Variants in CSAD observed in about 807,000 individuals in gnomAD.
The protein encoded by CSAD is cysteine sulfinic acid decarboxylase, also known as P-selectin cytoplasmic tail-associated protein.
In CSAD, 47 loss-of-function variants were observed where a neutral mutation model predicts 61.5. The ratio of observed to expected loss-of-function variants is 0.76; its 90% CI spans 0.60 to 0.97. The LOEUF (loss-of-function observed/expected upper bound fraction) is 0.97, where lower values mean the gene tolerates loss of function less well. CSAD is among the 50% of genes least tolerant of loss of function. The pLI, the probability that CSAD is intolerant of heterozygous loss-of-function variation, is 0.00. For synonymous variants in CSAD, 245 were observed against 252.7 expected (o/e 0.97, Z 0.29); for missense variants, 611 against 643.6 (o/e 0.95, Z 0.55).
intron 2 of CSAD, among the ~76,000 whole-genome samples, chr12:53,177,506 A>G (rs1404158301): frequency 6.6e-6 from 1 of 152,210 alleles, no homozygotes; most frequent in Non-Finnish European, 1.5e-5. Context: ...TACAAAAACA[A>G]TTAAAATGGT....
intron 2 of CSAD, among the ~76,000 whole-genome samples, chr12:53,176,706 G>A (rs1198932182): frequency 2.7e-5 from 4 of 150,712 alleles, no homozygotes; most frequent in East Asian, 3.9e-4. Context: ...GTGACAGAGC[G>A]AGACTCCATC....
At chr12:53,180,107 G>C in intron 1 of CSAD, 2 of 1,353,010 alleles carry the variant, frequency 1.5e-6, no homozygotes, top group South Asian at 1.7e-5. Context: ...AGGGAGGTGA[G>C]CAGTGTGGCC....
chr12:53,180,992 G>T, upstream of CSAD: 2 of 819,328 alleles, frequency 2.4e-6, no homozygotes, highest in African/African-American at 1.9e-5. Flanking sequence ...GAGGGGAAAG[G>T]CCGTGCGCGC....
rs763352719 is a variant in CSAD at position 53,160,150 on chromosome 12, C to T, written c.1136G>A (p.Arg379Gln). The change falls in exon 14 of 17, where the codon CGG (arginine) becomes CAG (glutamine). Residue 379 changes from arginine to glutamine, a missense_variant. By Grantham distance (43) the Arg-to-Gln change is conservative (BLOSUM62 1). Coordinates refer to ENST00000444623, the MANE Select transcript of CSAD (RefSeq NM_001244705.2). ...WKAQGDQGLE[R>Q]RIDQAFVLAR... ...AAGGACAAAGGCCTGGTCGATGCGC[C>T]GCTCCAGCCCTTGATCGCCCTGTGC... 17 of 1,613,604 alleles carry T rather than the reference C, an allele frequency of 1.1e-5. No homozygotes were observed. The highest frequency in any genetic ancestry group is 2.7e-5 in the African/African-American group (2 of 74,944).
At chr12:53,160,025 G>C in intron 14 of CSAD, 87 bp from the exon 15 acceptor site, 2 of 1,599,648 alleles carry the variant, frequency 1.3e-6, no homozygotes, top group Non-Finnish European at 1.7e-6. Context: ...GCCACAGAGA[G>C]ACCGAGAGAA....
chr12:53,159,948 G>C lies in CSAD; in HGVS notation c.1167-10C>G, dbSNP rs565221447. On this transcript the variant is annotated splice_polypyrimidine_tract_variant and intron_variant, in intron 14 of 16. Transcript: ENST00000444623. ...TTCCTCCACCAGGTACCTGTGAACA[G>C]AGAGTGAGAAACCATAGGCGGGGAG... The C allele has an allele frequency of 6.2e-7, 1 of 1,605,124 alleles. No individual in the cohort carries two copies. The highest frequency in any genetic ancestry group is 1.7e-5 in the Admixed American group (1 of 58,834).
At chr12:53,181,177 C>G (rs999401383), upstream of CSAD, 41 of 985,350 alleles carry the variant, frequency 4.2e-5, no homozygotes, top group East Asian at 2.8e-3. Context: ...CGACACGCCG[C>G]GCCGGGCTTC....
At position 53,160,241 on chromosome 12, in the gene CSAD, T is replaced by G; in HGVS notation, c.1045A>C (p.Thr349Pro). ...QDKFYDVALD[T>P]GDKVVQCGRR... ...CCACACTGCACCACCTTGTCTCCCG[T>G]GTCCAGAGCCACATCGTAGAACTTG... Residue 349 changes from threonine to proline, a missense_variant, in exon 14 of 17, where the codon ACG (threonine) becomes CCG (proline). Transcript: ENST00000444623. The G allele has an allele frequency of 6.2e-7, 1 of 1,614,178 alleles. No individual in the cohort carries two copies. Among genetic ancestry groups the G allele is most frequent in the Non-Finnish European group, 8.5e-7 (1 of 1,180,024 alleles).
chr12:53,169,462 G>A (rs1204671195), intron 10 of CSAD, among the ~76,000 whole-genome samples: 2 of 148,480 alleles, frequency 1.3e-5, no homozygotes, highest in Admixed American at 1.3e-4. Flanking sequence ...CTGGGCAACA[G>A]GAGTGAAACT....
intron 5 of CSAD, 26 bp from the exon 6 acceptor site, chr12:53,172,462 G>A (rs1022128080): frequency 8.7e-6 from 14 of 1,614,036 alleles, no homozygotes; most frequent in Non-Finnish European, 1.2e-5. Flanking sequence ...AAGCCAGGGA[G>A]CTCAGAGTAG....
intron 10 of CSAD, chr12:53,164,900 A>G (rs550239695): frequency 3.9e-5 from 6 of 152,358 alleles, no homozygotes; most frequent in Non-Finnish European, 8.8e-5. Context: ...ACTTTTTTCA[A>G]TAAAGATAAA....
At chr12:53,179,944 T>G in intron 1 of CSAD, 1 of 1,578,838 alleles carries the variant, frequency 6.3e-7, no homozygotes, top group Non-Finnish European at 8.6e-7. Context: ...AGGACTCCCA[T>G]AAGACTAGTC....
At chr12:53,172,494 TCTC>T (rs1228987622) in intron 5 of CSAD, 25 bp downstream of exon 5, 3 of 1,613,790 alleles carry the variant, frequency 1.9e-6, no homozygotes, top group Non-Finnish European at 1.7e-6. Flanking sequence ...AACTCCCAAG[TCTC>T]CTCCTCACAG....
chr12:53,161,126 C>T lies in CSAD; in HGVS notation c.884+1G>A. 6.2e-7 allele frequency: 1 copy of T among 1,613,878 alleles called. No homozygotes were observed. Among genetic ancestry groups the T allele is most frequent in the Non-Finnish European group, 8.5e-7 (1 of 1,179,768 alleles). On this transcript the variant is annotated splice_donor_variant, in intron 12 of 16. Transcript: ENST00000444623. LOFTEE classifies it high-confidence loss of function. ...TTTGGGAAGAAGGGGACTGTATGCA[C>T]CTCTGGATCCCATCCAGGAGATGCC... is the stretch of plus-strand genomic sequence containing the variant.
At chr12:53,177,401 T>TA (rs1808939833) in intron 2 of CSAD, among the ~76,000 whole-genome samples, 1 of 152,182 alleles carries the variant, frequency 6.6e-6, no homozygotes, top group Non-Finnish European at 1.5e-5. Flanking sequence ...AAAGAATAGT[T>TA]ATTATCCATA....
chr12:53,178,236 GC>G (rs1479394436), intron 2 of CSAD: 1 of 394,392 alleles, frequency 2.5e-6, no homozygotes, highest in African/African-American at 2.1e-5. Flanking sequence ...ACTCTAGGAG[GC>G]CGAGGCCAAT....
chr12:53,159,645 T>C lies in CSAD; in HGVS notation c.1286A>G (p.Asp429Gly). 1 of 1,611,726 alleles carries C rather than the reference T, an allele frequency of 6.2e-7. No homozygotes were observed. Among genetic ancestry groups the C allele is most frequent in the Non-Finnish European group, 8.5e-7 (1 of 1,179,054 alleles). Residue 429 changes from aspartate (D) to glycine (G), a missense_variant, in exon 16 of 17, where the codon GAT (aspartate) becomes GGT (glycine). Coordinates refer to ENST00000444623, the MANE Select transcript of CSAD (RefSeq NM_001244705.2). ...TACCTTTGACAGCCTTTCGTGGTAA[T>C]CTGGACTCTCCTGCTTCCCTCGCAG... is the stretch of plus-strand genomic sequence containing the variant. ...PSLRGKQESP[D>G]YHERLSKVAP...
rs1007804790 is a variant in CSAD at position 53,157,851 on chromosome 12, A to G, written c.*660T>C. The G allele has an allele frequency of 2.6e-5, 4 of 152,232 alleles. No individual in the cohort carries two copies. Among genetic ancestry groups the G allele is most frequent in the African/African-American group, 7.2e-5 (3 of 41,506 alleles). 9.4% of individuals were successfully genotyped at this position (152,232 alleles called of 1,614,324 possible). A position where few individuals can be genotyped will look rare whatever the true frequency, so the allele number is the denominator to read the frequency against. On this transcript the variant is annotated 3_prime_UTR_variant, in exon 17 of 17. Coordinates refer to ENST00000444623, the MANE Select transcript of CSAD (RefSeq NM_001244705.2). ...CAGGGAAAACTATTAACATTTTGCC[A>G]TATTTCATTTTATCAGTCTTTTCCT...
chr12:53,173,666 C>T, intron 3 of CSAD, 62 bp downstream of exon 3: 2 of 1,443,862 alleles, frequency 1.4e-6, no homozygotes, highest in South Asian at 2.3e-5. Context: ...AGAGAAAAGG[C>T]AGTCAGTGCT....
Sources: gnomAD v4.1 joint callset for allele counts (sites outside exome capture counted in the v4.1 genomes callset) on GRCh38, gnomAD v4.1.1 for gene constraint, MANE v1.5 for transcripts, NCBI Gene and HGNC (gene_info 2026-07-23, HGNC 2026-07-21) for gene names.